The following FMN1 variants were observed in gnomAD, a reference collection of about 807,000 sequenced individuals.
FMN1 encodes the protein formin 1, also known as formin-1.
A neutral mutation model predicts 132.4 loss-of-function variants in FMN1; 110 were observed. The ratio of observed to expected loss-of-function variants is 0.83; its 90% CI spans 0.71 to 0.97. The LOEUF (loss-of-function observed/expected upper bound fraction) is 0.97, where lower values mean the gene tolerates loss of function less well. Ranked by LOEUF, FMN1 falls within the 50% of genes least tolerant of loss-of-function variation. FMN1 has a pLI of 0.00. For synonymous variants in FMN1, 722 were observed against 651.7 expected (o/e 1.11, Z -1.64); for missense variants, 1,792 against 1,705.3 (o/e 1.05, Z -0.90).
chr15:33,122,216 CCAAAAAAAGTGAATAAG>C (rs1962631084), intron 4 of FMN1, among the ~76,000 whole-genome samples: 1 of 152,168 alleles, frequency 6.6e-6, no homozygotes, highest in African/African-American at 2.4e-5. Flanking sequence ...CCTATAGTCA[CCAAAAAAAGTGAATAAG>C]CTAAGTCTTA....
chr15:33,157,792 A>G (rs1157702980), intron 3 of FMN1, among the ~76,000 whole-genome samples: 1 of 152,014 alleles, frequency 6.6e-6, no homozygotes, highest in East Asian at 1.9e-4. Flanking sequence ...GGAATTTGAG[A>G]CCAGTCTGGG....
chr15:32,841,640 T>C (rs1267312945), intron 17 of FMN1, among the ~76,000 whole-genome samples: 2 of 152,168 alleles, frequency 1.3e-5, no homozygotes, highest in African/African-American at 2.4e-5. Flanking sequence ...TCAGTAGGCA[T>C]GTAACATGTG....
chr15:33,013,523 G>GT (rs1357006300), intron 6 of FMN1, among the ~76,000 whole-genome samples: 4 of 152,132 alleles, frequency 2.6e-5, no homozygotes, highest in African/African-American at 7.2e-5. Flanking sequence ...TGTTATATGG[G>GT]TGTTAAATGA....
intron 7 of FMN1, among the ~76,000 whole-genome samples, chr15:32,976,845 T>G (rs1047459843): frequency 2.0e-5 from 3 of 152,188 alleles, no homozygotes; most frequent in African/African-American, 7.2e-5. Context: ...CCTGCCATGC[T>G]GATGCTCGAG....
At chr15:33,086,655 C>T (rs77505552) in intron 5 of FMN1, among the ~76,000 whole-genome samples, 4 of 152,156 alleles carry the variant, frequency 2.6e-5, no homozygotes, top group African/African-American at 9.7e-5. Context: ...CTGCTGTTTG[C>T]GGCAAATGCA....
At chr15:32,889,481 C>T (rs1353333588) in intron 15 of FMN1, among the ~76,000 whole-genome samples, 1 of 152,172 alleles carries the variant, frequency 6.6e-6, no homozygotes, top group East Asian at 1.9e-4. Flanking sequence ...ACTTTATGAT[C>T]TGGCCTCTGT....
chr15:33,152,086 T>A (rs1299635767), intron 4 of FMN1, among the ~76,000 whole-genome samples: 1 of 152,228 alleles, frequency 6.6e-6, no homozygotes, highest in Non-Finnish European at 1.5e-5. Flanking sequence ...TATTAGGAGC[T>A]ATTCCCTAGA....
intron 17 of FMN1, among the ~76,000 whole-genome samples, chr15:32,849,243 G>C (rs553835009): frequency 6.6e-6 from 1 of 150,852 alleles, no homozygotes; most frequent in Non-Finnish European, 1.5e-5. Context: ...TGCCCGCCTC[G>C]GCCTCCCAAA....
intron 7 of FMN1, among the ~76,000 whole-genome samples, chr15:32,982,690 GAA>G (rs2032774681): frequency 6.6e-6 from 1 of 152,090 alleles, no homozygotes; most frequent in Non-Finnish European, 1.5e-5. Flanking sequence ...TCAATAGAAC[GAA>G]AAGACTGACT....
At chr15:32,857,622 G>GA (rs1295410954) in intron 16 of FMN1, among the ~76,000 whole-genome samples, 1 of 152,136 alleles carries the variant, frequency 6.6e-6, no homozygotes, top group Non-Finnish European at 1.5e-5. Context: ...CCAGGTCGGG[G>GA]AGGACCCTGT....
At chr15:32,791,869 A>G (rs1160053830) in intron 19 of FMN1, among the ~76,000 whole-genome samples, 1 of 152,214 alleles carries the variant, frequency 6.6e-6, no homozygotes, top group Non-Finnish European at 1.5e-5. Context: ...GACATATTGA[A>G]TTGCAGATGA....
At chr15:33,166,148 CG>C (rs1965097769) in intron 3 of FMN1, among the ~76,000 whole-genome samples, 1 of 152,048 alleles carries the variant, frequency 6.6e-6, no homozygotes, top group Non-Finnish European at 1.5e-5. Flanking sequence ...ATAGCAGATG[CG>C]GTTATTGTCA....
At chr15:33,177,232 T>C (rs1376597426) in intron 3 of FMN1, among the ~76,000 whole-genome samples, 1 of 152,196 alleles carries the variant, frequency 6.6e-6, no homozygotes, top group Non-Finnish European at 1.5e-5. Context: ...TGAAATTCCT[T>C]ACAGGACTGA....
Position 33,192,715 on chromosome 15 carries a change from TA to T in FMN1, c.-197+1193del, listed in dbSNP as rs111849755. On this transcript the variant is annotated intron_variant, in intron 2 of 20. Coordinates refer to ENST00000616417, the MANE Select transcript of FMN1 (RefSeq NM_001277313.2). The stretch of plus-strand genomic sequence containing the variant: ...CATCAGCTCTGACACCTAAAAAGGA[TA>T]AAGACAATGGAAAAAAATGCATAAT... 7.2e-5 allele frequency among the ~76,000 whole-genome samples: 11 copies of T among 152,250 alleles called. 1 individual carries two copies. The highest frequency in any genetic ancestry group is 2.6e-4 in the African/African-American group (11 of 41,548).
chr15:32,942,274 G>A (rs544961036), intron 9 of FMN1, among the ~76,000 whole-genome samples: 37 of 152,290 alleles, frequency 2.4e-4, no homozygotes, highest in African/African-American at 8.9e-4. Flanking sequence ...GCCTGCCTCT[G>A]TGAATAAGAA....
intron 6 of FMN1, among the ~76,000 whole-genome samples, chr15:33,062,348 A>G (rs12440029): frequency 0.5 from 75,669 of 151,994 alleles, 19,249 homozygotes; most frequent in Middle Eastern, 0.55. Context: ...TAGGCCAGGC[A>G]CGGTGGCTCA....
At chr15:33,109,840 T>TTA (rs568566995) in intron 4 of FMN1, among the ~76,000 whole-genome samples, 2 of 146,574 alleles carry the variant, frequency 1.4e-5, no homozygotes, top group East Asian at 2.0e-4. Context: ...AAATGAAAGT[T>TTA]AAAAAAAAAA....
intron 7 of FMN1, among the ~76,000 whole-genome samples, chr15:33,003,148 G>T (rs2034210781): frequency 6.6e-6 from 1 of 152,182 alleles, no homozygotes; most frequent in South Asian, 2.1e-4. Context: ...TACAAGACAG[G>T]GATGCCCTCT....
At chr15:32,986,734 T>A (rs926702114) in intron 7 of FMN1, among the ~76,000 whole-genome samples, 1 of 152,082 alleles carries the variant, frequency 6.6e-6, no homozygotes, top group Non-Finnish European at 1.5e-5. Context: ...AAAGATCAGA[T>A]CTCATTTTGA....
Sources: allele counts gnomAD v4.1 joint callset (sites outside exome capture counted in the v4.1 genomes callset), GRCh38; gene constraint gnomAD v4.1.1; transcripts MANE v1.5; gene names NCBI Gene and HGNC (gene_info 2026-07-23, HGNC 2026-07-21).